CIITA: variants seen among roughly 807,000 people sequenced by gnomAD.
The protein encoded by CIITA is MHC class II transactivator.
A neutral mutation model predicts 115.1 loss-of-function variants in CIITA; 72 were observed. The ratio of observed to expected loss-of-function variants is 0.63; its 90% confidence interval spans 0.52 to 0.76. The LOEUF (loss-of-function observed/expected upper bound fraction) is 0.76, where lower values mean the gene tolerates loss of function less well. Among genes scored for constraint, CIITA ranks in the 30% least tolerant of loss-of-function variants. The pLI, the probability that CIITA is intolerant of heterozygous loss-of-function variation, is 0.00. For synonymous variants in CIITA, 763 were observed against 635.6 expected (o/e 1.20, Z -3.02); for missense variants, 1,617 against 1,463.8 (o/e 1.10, Z -1.71).
Position 10,901,804 on chromosome 16 carries a change from G to C in CIITA, c.482-234G>C, listed in dbSNP as rs774946555. 2 of 687,210 alleles carry C rather than the reference G, an allele frequency of 2.9e-6. No homozygotes were observed. The highest frequency in any genetic ancestry group is 2.6e-5 in the East Asian group (1 of 37,778). 42.6% of individuals were successfully genotyped at this position (687,210 alleles called of 1,614,324 possible). Reference sequence around the variant, plus strand: ...AGGTTCTATTCTGCCCCAGCTCTCCGTGTGGAGGCCCTAGGGTCCTGCTCA... The same window carrying C: ...AGGTTCTATTCTGCCCCAGCTCTCCCTGTGGAGGCCCTAGGGTCCTGCTCA... On this transcript the variant is annotated intron_variant, in intron 6 of 19. Transcript: ENST00000324288. This position sits in a 1 kb window ranked among gnomAD's most constrained non-coding sequence, Gnocchi z 6.8.
Position 10,941,677 on chromosome 16 carries a change from T to G in CIITA, n.803T>G. On this transcript the variant is annotated non_coding_transcript_exon_variant, in exon 2 of 2. Transcript: ENST00000573379. This position sits in a 1 kb window ranked among gnomAD's most constrained non-coding sequence, Gnocchi z 6.4. ...CTGGGCGGCTGGTCCAGGGCATGGGTTGCGGATCGTGTAGGGAAGAGGGGA... is the reference window on the plus strand; with the variant it reads ...CTGGGCGGCTGGTCCAGGGCATGGGGTGCGGATCGTGTAGGGAAGAGGGGA... The G allele has an allele frequency of 6.4e-7, 1 of 1,565,510 alleles. No homozygotes were observed. The highest frequency in any genetic ancestry group is 8.7e-7 in the Non-Finnish European group (1 of 1,153,070).
rs1253572660 is a variant in CIITA, at chr16:10,920,641, G to C, written c.3150-1526G>C. ...GAGGCCAAAATGCAAACTGTGACAC[G>C]CTATTGGTTATAAGACACATCCTGA... On this transcript the variant is annotated intron_variant, in intron 16 of 19. Coordinates refer to ENST00000324288, the MANE Select transcript of CIITA (RefSeq NM_000246.4). The surrounding 1 kb of genome is among the most constrained non-coding windows in gnomAD (Gnocchi z 4.5). Among the ~76,000 whole-genome samples the C allele has an allele frequency of 6.6e-6, 1 of 152,164 alleles. No homozygotes were observed. Among genetic ancestry groups the C allele is most frequent in the Non-Finnish European group, 1.5e-5 (1 of 68,038 alleles).
chr16:10,888,047 G>GC (rs1258127642), intron 1 of CIITA, among the ~76,000 whole-genome samples: 1 of 152,142 alleles, frequency 6.6e-6, no homozygotes, highest in Non-Finnish European at 1.5e-5. Flanking sequence ...ATCTAGCACA[G>GC]CCCCAGACAC....
rs1000820977 is a variant in CIITA at position 10,898,578 on chromosome 16, C to G, written c.296-92C>G. On this transcript the variant is annotated intron_variant, in intron 3 of 19. Transcript: ENST00000324288. ...CATTTCTTGAGTCCCCACTGTGTGC[C>G]AGGCCCAGAGGTTCCCCAGCCCAAG... 4 of 1,064,060 alleles carry G rather than the reference C, an allele frequency of 3.8e-6. No homozygotes were observed. The African/African-American group carries it at 6.5e-5, about 17-fold the overall frequency. 65.9% of individuals were successfully genotyped at this position (1,064,060 alleles called of 1,614,324 possible).
chr16:10,889,068 G>C (rs1481806407), intron 1 of CIITA, among the ~76,000 whole-genome samples: 2 of 152,232 alleles, frequency 1.3e-5, no homozygotes, highest in Non-Finnish European at 2.9e-5. Context: ...CACGGATGAA[G>C]AGAGGCTGCC....
intron 1 of CIITA, among the ~76,000 whole-genome samples, chr16:10,866,801 C>T (rs1277775643): frequency 1.3e-5 from 2 of 152,198 alleles, no homozygotes; most frequent in Admixed American, 6.5e-5. Flanking sequence ...CCCAGGGGCA[C>T]GCAGCCAAAT....
rs1294803528 is a variant in CIITA at position 10,915,506 on chromosome 16, C to T, written c.2889-64C>T. The T allele has an allele frequency of 2.3e-6, 3 of 1,318,376 alleles. No homozygotes were observed. The East Asian group carries it at 6.9e-5, about 30-fold the overall frequency. The allele number at this position is 1,318,376 out of a possible 1,614,324, so 81.7% of individuals were successfully genotyped here. On this transcript the variant is annotated intron_variant, in intron 13 of 19. Coordinates refer to ENST00000324288, the MANE Select transcript of CIITA (RefSeq NM_000246.4). ...CTTCTGTGCCTTGTCTCTGCCCCAC[C>T]CTGGGGCTGAATGAGGGGCTGTGAC...
chr16:10,874,865 C>T (rs2035722422), upstream of CIITA, among the ~76,000 whole-genome samples: 1 of 152,214 alleles, frequency 6.6e-6, no homozygotes, highest in Admixed American at 6.5e-5. Context: ...TCTCTGAGAA[C>T]ATAAAGGGAC....
chr16:10,922,761 A>G (rs541779038), intron 18 of CIITA, among the ~76,000 whole-genome samples: 1 of 152,376 alleles, frequency 6.6e-6, no homozygotes, highest in East Asian at 1.9e-4. Flanking sequence ...AATAAATGCT[A>G]TATTAGGCTG....
upstream of CIITA, among the ~76,000 whole-genome samples, chr16:10,875,025 G>A (rs143580708): frequency 5.6e-3 from 855 of 152,012 alleles, 8 homozygotes; most frequent in African/African-American, 0.019. Context: ...CTTGAGTGCA[G>A]TGGCACTATC....
intron 3 of CIITA, among the ~76,000 whole-genome samples, chr16:10,896,447 A>G (rs1353614058): frequency 6.6e-6 from 1 of 152,230 alleles, no homozygotes; most frequent in Non-Finnish European, 1.5e-5. Context: ...CCTTAAGAAG[A>G]GCTACAGCTT....
intron 3 of CIITA, among the ~76,000 whole-genome samples, chr16:10,896,871 G>GTAAT (rs1411593365): frequency 2.6e-5 from 4 of 152,242 alleles, no homozygotes; most frequent in African/African-American, 9.6e-5. Flanking sequence ...GAGGGGACTA[G>GTAAT]TAATTGTTCA....
chr16:10,890,981 GTTGGTAAATT>G (rs2037510324), intron 1 of CIITA, among the ~76,000 whole-genome samples: 1 of 152,190 alleles, frequency 6.6e-6, no homozygotes, highest in Admixed American at 6.5e-5. Flanking sequence ...TAGTCTCAAA[GTTGGTAAATT>G]TTACGCCAAA....
At chr16:10,889,825 G>A (rs899718847) in intron 1 of CIITA, among the ~76,000 whole-genome samples, 1 of 152,120 alleles carries the variant, frequency 6.6e-6, no homozygotes, top group Non-Finnish European at 1.5e-5. Context: ...AACTAATATT[G>A]GGAAAACTGA....
At chr16:10,893,603 G>C (rs559640537) in intron 1 of CIITA, among the ~76,000 whole-genome samples, 1 of 152,142 alleles carries the variant, frequency 6.6e-6, no homozygotes, top group East Asian at 1.9e-4. Flanking sequence ...GAGGTCAGGA[G>C]TTTGAGAACA....
intron 3 of CIITA, among the ~76,000 whole-genome samples, 171 bp from the exon 4 acceptor site, chr16:10,898,499 C>T (rs2038367315): frequency 6.6e-6 from 1 of 151,170 alleles, no homozygotes; most frequent in East Asian, 2.0e-4. Context: ...AGATTAAGGG[C>T]CCCTGGAGTG....
At chr16:10,908,928 A>C in intron 11 of CIITA, 101 bp from the exon 12 acceptor site, 1 of 1,557,210 alleles carries the variant, frequency 6.4e-7, no homozygotes, top group Non-Finnish European at 8.8e-7. Context: ...GAGCTAAGGA[A>C]AGAAAGTATT....
chr16:10,884,267 C>A (rs187239127), intron 1 of CIITA, among the ~76,000 whole-genome samples: 61 of 152,276 alleles, frequency 4.0e-4, no homozygotes, highest in African/African-American at 1.4e-3. Flanking sequence ...CTGGTTGGTT[C>A]AAACCCAAAG....
At position 10,907,280 on chromosome 16, in the gene CIITA, G is replaced by A. The variant is rs775006458; in HGVS notation, c.1788G>A (p.Thr596=). 1.1e-5 allele frequency: 18 copies of A among 1,613,412 alleles called. No individual in the cohort carries two copies. The highest frequency in any genetic ancestry group is 5.5e-5 in the South Asian group (5 of 91,074). Residue 596 remains threonine, a synonymous_variant, in exon 11 of 20, where the codon ACG becomes ACA. Coordinates refer to ENST00000324288, the MANE Select transcript of CIITA (RefSeq NM_000246.4). This position sits in a 1 kb window ranked among gnomAD's most constrained non-coding sequence, Gnocchi z 5.0. ...CAGAGCACCAAGACAGAGCCCTGAC[G>A]CTCCTCCGGGACCGGCCACTTCTTC... is the stretch of plus-strand genomic sequence containing the variant. The part of the protein sequence containing the change: ...GMTEHQDRAL[T]LLRDRPLLLS...
Sources: gnomAD v4.1 joint callset for allele counts (sites outside exome capture counted in the v4.1 genomes callset) on GRCh38, gnomAD v4.1.1 for gene constraint, Gnocchi (gnomAD v3.1) non-coding constraint, MANE v1.5 for transcripts, NCBI Gene and HGNC (gene_info 2026-07-23, HGNC 2026-07-21) for gene names.